VAT1L: variants seen among roughly 807,000 people sequenced by gnomAD.
The protein encoded by VAT1L is putative NADPH-dependent quinone oxidoreductase VAT1L.
In VAT1L, 34 loss-of-function variants were observed where a neutral mutation model predicts 44.1. The ratio of observed to expected loss-of-function variants is 0.77; its 90% CI spans 0.59 to 1.03. The LOEUF is 1.03. Ranked by LOEUF, VAT1L falls within the 50% of genes least tolerant of loss-of-function variation. The probability of loss-of-function intolerance (pLI) is 0.00; values close to 1 mark genes in which losing one functional copy is unlikely to be tolerated. For synonymous variants in VAT1L, 253 were observed against 202.2 expected (o/e 1.25, Z -2.13); for missense variants, 615 against 538.8 (o/e 1.14, Z -1.40).
intron 3 of VAT1L, among the ~76,000 whole-genome samples, chr16:77,834,659 AGC>A (rs2016619280): frequency 6.6e-6 from 1 of 151,880 alleles, no homozygotes; most frequent in East Asian, 1.9e-4. Flanking sequence ...CCTGCATTTG[AGC>A]TTTATGTGAG....
chr16:77,902,798 A>G (rs113347162), intron 7 of VAT1L, among the ~76,000 whole-genome samples: 2,188 of 150,574 alleles, frequency 0.015, 42 homozygotes, highest in African/African-American at 0.05. Context: ...GTGAAACCCC[A>G]TCTCTACTAA....
chr16:77,798,182 T>C (rs1357600082), intron 1 of VAT1L, among the ~76,000 whole-genome samples: 4 of 152,080 alleles, frequency 2.6e-5, no homozygotes, highest in Non-Finnish European at 5.9e-5. Context: ...TCTAAATAAC[T>C]GTGGTCCCCA....
At chr16:77,917,308 G>C (rs2017562303) in intron 7 of VAT1L, among the ~76,000 whole-genome samples, 1 of 152,146 alleles carries the variant, frequency 6.6e-6, no homozygotes, top group Non-Finnish European at 1.5e-5. Context: ...TGAGCTCTAA[G>C]ATGTAGCCAT....
At chr16:77,826,690 T>A (rs543901669) in intron 3 of VAT1L, among the ~76,000 whole-genome samples, 2 of 152,318 alleles carry the variant, frequency 1.3e-5, no homozygotes, top group East Asian at 3.9e-4. Flanking sequence ...CTGTCATTGG[T>A]CTACTGGGGT....
At chr16:77,882,902 A>C (rs2017169889) in intron 6 of VAT1L, among the ~76,000 whole-genome samples, 1 of 152,188 alleles carries the variant, frequency 6.6e-6, no homozygotes, top group Admixed American at 6.5e-5. Flanking sequence ...TCTGTGCCAC[A>C]AACCCTTGCC....
At chr16:77,877,587 G>C (rs934048632) in intron 5 of VAT1L, among the ~76,000 whole-genome samples, 3 of 143,520 alleles carry the variant, frequency 2.1e-5, no homozygotes, top group African/African-American at 7.7e-5. Context: ...TTTGAAGCTA[G>C]ATGGCATAAT....
intron 5 of VAT1L, among the ~76,000 whole-genome samples, chr16:77,877,718 C>T (rs1555516330): frequency 5.9e-5 from 9 of 152,036 alleles, no homozygotes; most frequent in Non-Finnish European, 1.2e-4. Flanking sequence ...ACTTATTTCC[C>T]TGCTATTTCC....
chr16:77,951,787 G>C (rs74028724), intron 7 of VAT1L, among the ~76,000 whole-genome samples: 2 of 151,398 alleles, frequency 1.3e-5, no homozygotes, highest in African/African-American at 2.4e-5. Flanking sequence ...TTGATGTATT[G>C]GTTTTGTGTA....
rs544324696 is a variant in VAT1L at position 77,976,666 on chromosome 16, G to C, written c.1162-931G>C. Among the ~76,000 whole-genome samples the C allele has an allele frequency of 8.7e-4, 133 of 152,280 alleles. 1 individual carries two copies. The highest frequency in any genetic ancestry group is 2.9e-3 in the African/African-American group (119 of 41,556). ...AATGGACAGAACTAGTTTGTTCTGA[G>C]TCTCTGTCATATGCTCAGCCCTTTG... On this transcript the variant is annotated intron_variant, in intron 8 of 8. Transcript: ENST00000302536.
chr16:77,947,266 CA>C (rs1316606916), intron 7 of VAT1L, among the ~76,000 whole-genome samples: 1 of 152,308 alleles, frequency 6.6e-6, no homozygotes, highest in Admixed American at 6.5e-5. Flanking sequence ...GAAGATAAAT[CA>C]AATTACCTCA....
chr16:77,925,874 T>C (rs1405287148), intron 7 of VAT1L, among the ~76,000 whole-genome samples: 2 of 152,148 alleles, frequency 1.3e-5, no homozygotes, highest in African/African-American at 2.4e-5. Context: ...TGAAAGTCCT[T>C]GACCATGAAG....
chr16:77,869,757 A>C (rs988780973), intron 4 of VAT1L, among the ~76,000 whole-genome samples: 1 of 152,160 alleles, frequency 6.6e-6, no homozygotes, highest in Admixed American at 6.5e-5. Context: ...GATAAAGCAC[A>C]ATCTCTAGCC....
chr16:77,891,704 A>C lies in VAT1L; in HGVS notation c.1077+6902A>C, dbSNP rs2017267204. Among the ~76,000 whole-genome samples, 4 of 152,242 alleles carry C rather than the reference A, an allele frequency of 2.6e-5. No individual in the cohort carries two copies. The South Asian group carries it at 8.3e-4, about 31-fold the overall frequency. On this transcript the variant is annotated intron_variant, in intron 7 of 8. Transcript: ENST00000302536. ...GTACAGAGATAGACTGGCCTGAAAG[A>C]ATAAATGAAGGAAGAAAATGTGATG...
intron 2 of VAT1L, among the ~76,000 whole-genome samples, chr16:77,819,706 A>G (rs563093848): frequency 2.6e-5 from 4 of 152,208 alleles, no homozygotes; most frequent in Middle Eastern, 6.8e-3. Context: ...CTTCACATTC[A>G]CTAATTGGTC....
chr16:77,823,965 T>G (rs1284558752), intron 2 of VAT1L, among the ~76,000 whole-genome samples: 2 of 152,082 alleles, frequency 1.3e-5, no homozygotes, highest in African/African-American at 4.8e-5. Flanking sequence ...GGAGGTTGCA[T>G]TGAGCTGAGA....
At chr16:77,937,325 C>G (rs1050798412) in intron 7 of VAT1L, among the ~76,000 whole-genome samples, 2 of 152,172 alleles carry the variant, frequency 1.3e-5, no homozygotes, top group Non-Finnish European at 2.9e-5. Flanking sequence ...CCTTCAGGAT[C>G]CAGAGGTTAA....
intron 3 of VAT1L, among the ~76,000 whole-genome samples, chr16:77,853,677 G>T (rs1219562730): frequency 6.6e-6 from 1 of 152,072 alleles, no homozygotes; most frequent in Admixed American, 6.6e-5. Flanking sequence ...CATAAGTCTG[G>T]GTTGGAGCCT....
intron 7 of VAT1L, among the ~76,000 whole-genome samples, chr16:77,943,819 A>T (rs1245169837): frequency 1.3e-5 from 2 of 152,218 alleles, no homozygotes; most frequent in Non-Finnish European, 2.9e-5. Context: ...CTCACATAGC[A>T]TGTGGCAGTT....
chr16:77,963,332 G>T (rs1245027817), intron 7 of VAT1L, among the ~76,000 whole-genome samples: 1 of 152,140 alleles, frequency 6.6e-6, no homozygotes, highest in Non-Finnish European at 1.5e-5. Flanking sequence ...GAGATTTGAA[G>T]CTCTACCCTG....
Sources: gnomAD v4.1 joint callset for allele counts (sites outside exome capture counted in the v4.1 genomes callset) on GRCh38, gnomAD v4.1.1 for gene constraint, MANE v1.5 for transcripts, NCBI Gene and HGNC (gene_info 2026-07-23, HGNC 2026-07-21) for gene names.